The following DPYSL2 variants were observed in gnomAD, a reference collection of about 807,000 sequenced individuals.
DPYSL2 encodes dihydropyrimidinase like 2, also known as dihydropyrimidinase-related protein 2.
Under a neutral mutation model 69.9 loss-of-function variants are expected in DPYSL2, and 13 were observed. That is an observed-to-expected ratio of 0.19 (90% CI 0.12 to 0.30). The LOEUF (loss-of-function observed/expected upper bound fraction) is 0.30. Ranked by LOEUF, DPYSL2 falls within the 10% of genes least tolerant of loss-of-function variation. The pLI is 1.00. For synonymous variants in DPYSL2, 326 were observed against 359.1 expected (o/e 0.91, Z 1.04); for missense variants, 587 against 918.9 (o/e 0.64, Z 4.67).
In DPYSL2 at chr8:26,565,915, T is replaced by C. The variant is rs1368099555; in HGVS notation, c.355-16054T>C. ...TGGAGGAGGAAGAGGGAATTGTCTA[T>C]GTCCTAGGCCTTGAAGAGATGCACT... On this transcript the variant is annotated intron_variant, in intron 1 of 13. Transcript: ENST00000521913. The surrounding 1 kb of genome is among the most constrained non-coding windows in gnomAD (Gnocchi z 4.1). 1.3e-5 allele frequency among the ~76,000 whole-genome samples: 2 copies of C among 152,198 alleles called. No individual in the cohort carries two copies. Among genetic ancestry groups the C allele is most frequent in the African/African-American group, 2.4e-5 (1 of 41,454 alleles).
chr8:26,634,810 A>G lies in DPYSL2; in HGVS notation c.1036A>G (p.Thr346Ala), dbSNP rs1446362700. 5 of 1,614,006 alleles carry G rather than the reference A, an allele frequency of 3.1e-6. No homozygotes were observed. The African/African-American group carries it at 4.0e-5, about 13-fold the overall frequency. Residue 346 changes from threonine (T) to alanine (A), a missense_variant, in exon 8 of 14, where the codon ACC (threonine) becomes GCC (alanine). By Grantham distance (58) the Thr-to-Ala change is moderately conservative (BLOSUM62 0). Coordinates refer to ENST00000521913, the MANE Select transcript of DPYSL2 (RefSeq NM_001197293.3). ...VEAEAVNRAI[T>A]IANQTNCPLY... Reference sequence around the variant, plus strand: ...GGCCGAAGCCGTGAATCGTGCCATCACCATCGCCAACCAGACCAACTGCCC... The same window carrying G: ...GGCCGAAGCCGTGAATCGTGCCATCGCCATCGCCAACCAGACCAACTGCCC...
Position 26,614,651 on chromosome 8 carries a change from A to C in DPYSL2, c.629-9492A>C, listed in dbSNP as rs188042980. The stretch of plus-strand genomic sequence containing the variant: ...CCCCAGAGTTAGTCATAATCATTCT[A>C]GCAGGGCTTCTAGATGCTGAACAAT... On this transcript the variant is annotated intron_variant, in intron 3 of 13. Transcript: ENST00000521913. This position sits in a 1 kb window ranked among gnomAD's most constrained non-coding sequence, Gnocchi z 4.9. 5.6e-4 allele frequency among the ~76,000 whole-genome samples: 85 copies of C among 152,308 alleles called. No homozygotes were observed. The highest frequency in any genetic ancestry group is 6.3e-4 in the Non-Finnish European group (43 of 68,030).
chr8:26,539,390 G>A (rs750266444), intron 1 of DPYSL2, among the ~76,000 whole-genome samples: 3 of 152,084 alleles, frequency 2.0e-5, no homozygotes, highest in Non-Finnish European at 4.4e-5. Context: ...TATTTAAACG[G>A]TGTTACTGTA....
chr8:26,598,221 G>A lies in DPYSL2; in HGVS notation c.628+14238G>A, dbSNP rs988371470. Among the ~76,000 whole-genome samples the A allele has an allele frequency of 1.3e-5, 2 of 152,280 alleles. No individual in the cohort carries two copies. Among genetic ancestry groups the A allele is most frequent in the Non-Finnish European group, 2.9e-5 (2 of 68,036 alleles). On this transcript the variant is annotated intron_variant, in intron 3 of 13. Transcript: ENST00000521913. This position sits in a 1 kb window ranked among gnomAD's most constrained non-coding sequence, Gnocchi z 4.2. ...CCCGTGGCTACTGTGGTATTCGAAGGGCTAAATTTGTTTTGTGACTTTTGC... is the reference window on the plus strand; with the variant it reads ...CCCGTGGCTACTGTGGTATTCGAAGAGCTAAATTTGTTTTGTGACTTTTGC...
chr8:26,535,629 A>ATT (rs1360469564), intron 1 of DPYSL2, among the ~76,000 whole-genome samples: 10 of 149,440 alleles, frequency 6.7e-5, no homozygotes, highest in African/African-American at 2.5e-4. Flanking sequence ...ATATATATAT[A>ATT]TATATATTTT....
At chr8:26,577,930 T>C (rs978606526) in intron 1 of DPYSL2, 41 of 1,185,550 alleles carry the variant, frequency 3.5e-5, no homozygotes, top group Non-Finnish European at 4.1e-5. Flanking sequence ...GTGGCCGACT[T>C]GAACCGAGGC....
At chr8:26,636,244 C>A (rs1436048265) in intron 8 of DPYSL2, among the ~76,000 whole-genome samples, 1 of 152,182 alleles carries the variant, frequency 6.6e-6, no homozygotes, top group Non-Finnish European at 1.5e-5. Flanking sequence ...TTGTGGATGA[C>A]GATGGAATCG....
intron 1 of DPYSL2, among the ~76,000 whole-genome samples, chr8:26,542,402 T>C (rs1563380005): frequency 6.6e-6 from 1 of 152,142 alleles, no homozygotes; most frequent in Non-Finnish European, 1.5e-5. Context: ...TTTCCAGGTT[T>C]TTAAAAATTC....
Position 26,514,298 on chromosome 8 carries a change from G to GACGT in DPYSL2, c.-28_-27insACGT. 2.1e-6 allele frequency: 3 copies of GACGT among 1,426,826 alleles called. No homozygotes were observed. The allele number at this position is 1,426,826 out of a possible 1,614,324, so 88.4% of individuals were successfully genotyped here. ...GGACTGGCAGACGGACGGACGGACGGCGAGGACCCTACCCGAGCCCCCGAG... is the reference window on the plus strand; with the variant it reads ...GGACTGGCAGACGGACGGACGGACGGACGTCGAGGACCCTACCCGAGCCCCCGAG... On this transcript the variant is annotated 5_prime_UTR_variant, in exon 1 of 14. Coordinates refer to ENST00000521913, the MANE Select transcript of DPYSL2 (RefSeq NM_001197293.3). The surrounding 1 kb of genome is among the most constrained non-coding windows in gnomAD (Gnocchi z 8.4).
intron 3 of DPYSL2, among the ~76,000 whole-genome samples, chr8:26,606,223 A>G (rs1345309563): frequency 6.6e-6 from 1 of 152,218 alleles, no homozygotes; most frequent in Non-Finnish European, 1.5e-5. Context: ...TATTCATAGT[A>G]TTATATTAGA....
chr8:26,541,683 G>A (rs1261553438), intron 1 of DPYSL2, among the ~76,000 whole-genome samples: 1 of 152,182 alleles, frequency 6.6e-6, no homozygotes, highest in African/African-American at 2.4e-5. Flanking sequence ...CAAAGTGCTT[G>A]TGTGGGGGAG....
In DPYSL2 at chr8:26,655,731, G is replaced by T; in HGVS notation, c.*25G>T. 1 of 1,562,406 alleles carries T rather than the reference G, an allele frequency of 6.4e-7. No homozygotes were observed. On this transcript the variant is annotated 3_prime_UTR_variant, in exon 14 of 14. Transcript: ENST00000521913. ...GAGCTCCTGGGCTGTGCCGTCCACT[G>T]GGGACTGGGGATGGGACACCTGAGG... is the stretch of plus-strand genomic sequence containing the variant.
rs1287474488 is a variant in DPYSL2 at position 26,641,211 on chromosome 8, T to C, written c.1127-2228T>C. Among the ~76,000 whole-genome samples, 1 of 152,002 alleles carries C rather than the reference T, an allele frequency of 6.6e-6. No homozygotes were observed. Among genetic ancestry groups the C allele is most frequent in the African/African-American group, 2.4e-5 (1 of 41,382 alleles). Reference sequence around the variant, plus strand: ...GGAAACTCAGGAAAATGTTTATGTGTGTCCAGGGATTTTCAGAGACTATCC... The same window carrying C: ...GGAAACTCAGGAAAATGTTTATGTGCGTCCAGGGATTTTCAGAGACTATCC... On this transcript the variant is annotated intron_variant, in intron 8 of 13. Transcript: ENST00000521913. This position sits in a 1 kb window ranked among gnomAD's most constrained non-coding sequence, Gnocchi z 4.1.
intron 10 of DPYSL2, among the ~76,000 whole-genome samples, chr8:26,646,447 G>C (rs1294192704): frequency 3.9e-5 from 6 of 152,130 alleles, no homozygotes; most frequent in African/African-American, 1.4e-4. Context: ...TCCATTGTTT[G>C]CTGATTTGAT....
rs1312387390 is a variant in DPYSL2 at position 26,653,294 on chromosome 8, G to A, written c.1839G>A (p.Val613=). Residue 613 remains valine, a synonymous_variant, in exon 13 of 14, where the codon GTG becomes GTA. Coordinates refer to ENST00000521913, the MANE Select transcript of DPYSL2 (RefSeq NM_001197293.3). The surrounding 1 kb of genome is among the most constrained non-coding windows in gnomAD (Gnocchi z 5.7). Reference sequence around the variant, plus strand: ...ACGGACCTGTGTGTGAAGTGTCTGTGACGCCCAAGACAGTCACTCCAGCCT... The same window carrying A: ...ACGGACCTGTGTGTGAAGTGTCTGTAACGCCCAAGACAGTCACTCCAGCCT... ...LYDGPVCEVS[V]TPKTVTPASS... 2 of 1,614,168 alleles carry A rather than the reference G, an allele frequency of 1.2e-6. No homozygotes were observed. Among genetic ancestry groups the A allele is most frequent in the Admixed American group, 1.7e-5 (1 of 60,028 alleles).
intron 1 of DPYSL2, among the ~76,000 whole-genome samples, chr8:26,543,814 T>C (rs749174939): frequency 3.9e-5 from 6 of 152,224 alleles, no homozygotes; most frequent in Non-Finnish European, 7.3e-5. Context: ...TCATACATTG[T>C]TTGCTCAGGG....
chr8:26,616,212 T>C (rs73226182), intron 3 of DPYSL2, among the ~76,000 whole-genome samples: 10,191 of 152,228 alleles, frequency 0.067, 391 homozygotes, highest in African/African-American at 0.093. Flanking sequence ...TCAGTGGGTA[T>C]CCCTTAAATT....
In DPYSL2 at chr8:26,647,910, C is replaced by T. The variant is rs901234626; in HGVS notation, c.1596+110C>T. ...AAAAGAACTTGCTGTGATGGGAATG[C>T]GCTCGACTGAGGATGTTATGATTTG... On this transcript the variant is annotated intron_variant, in intron 11 of 13. Transcript: ENST00000521913. The surrounding 1 kb of genome is among the most constrained non-coding windows in gnomAD (Gnocchi z 5.1). The T allele has an allele frequency of 2.9e-5, 38 of 1,299,038 alleles. No individual in the cohort carries two copies. Among genetic ancestry groups the T allele is most frequent in the Admixed American group, 8.1e-5 (3 of 37,232 alleles). 80.5% of individuals were successfully genotyped at this position (1,299,038 alleles called of 1,614,324 possible).
intron 1 of DPYSL2, chr8:26,577,993 TTCTCTCTCTC>T (rs756432252): frequency 9.1e-6 from 11 of 1,204,094 alleles, no homozygotes; most frequent in Admixed American, 3.9e-5. Context: ...CTCTCTCTCC[TTCTCTCTCTC>T]TCTCTCTCTC....
Sources: allele counts gnomAD v4.1 joint callset (sites outside exome capture counted in the v4.1 genomes callset), GRCh38; gene constraint gnomAD v4.1.1; non-coding constraint Gnocchi (gnomAD v3.1); transcripts MANE v1.5; gene names NCBI Gene and HGNC (gene_info 2026-07-23, HGNC 2026-07-21).